The following CDH18 variants were observed in gnomAD, a reference collection of about 807,000 sequenced individuals.
CDH18 encodes cadherin-18.
CDH18 carries 31 observed loss-of-function variants against 67.9 expected under a neutral mutation model. That is an observed-to-expected ratio of 0.46 (90% CI 0.34 to 0.62). The LOEUF (loss-of-function observed/expected upper bound fraction) is 0.62, where lower values mean the gene tolerates loss of function less well. Ranked by LOEUF, CDH18 falls within the 20% of genes least tolerant of loss-of-function variation. The pLI is 0.01. For synonymous variants in CDH18, 362 were observed against 347.2 expected, an observed-to-expected ratio of 1.04 and a Z score of -0.48; for missense variants, 890 against 975.5, an observed-to-expected ratio of 0.91 and a Z score of 1.17.
At chr5:19,639,746 G>A (rs1205059890) in intron 5 of CDH18, among the ~76,000 whole-genome samples, 1 of 152,248 alleles carries the variant, frequency 6.6e-6, no homozygotes, top group Non-Finnish European at 1.5e-5. Flanking sequence ...GCGTGCTACA[G>A]CCGTGACTGC....
chr5:19,655,469 T>C (rs2150288645), intron 5 of CDH18, among the ~76,000 whole-genome samples: 1 of 151,942 alleles, frequency 6.6e-6, no homozygotes, highest in South Asian at 2.1e-4. Context: ...AGAGTTTCTA[T>C]CTAAACTATC....
chr5:20,138,281 C>T lies in CDH18; in HGVS notation c.-518+117163G>A, dbSNP rs536349749. ...ATTCAACAGCCCTTCATGCTAAAAA[C>T]TCTCAATAAACTAGGTATTGATGGG... On this transcript the variant is annotated intron_variant, in intron 2 of 14. Coordinates refer to the CDH18 transcript ENST00000507958. Among the ~76,000 whole-genome samples the T allele has an allele frequency of 3.9e-5, 6 of 152,240 alleles. No homozygotes were observed. The East Asian group carries it at 1.2e-3, about 30-fold the overall frequency.
At chr5:20,242,636 A>ATATATATATATATG (rs1743062148) in intron 2 of CDH18, among the ~76,000 whole-genome samples, 1 of 58,388 alleles carries the variant, frequency 1.7e-5, no homozygotes, top group Non-Finnish European at 2.9e-5. Context: ...ATATATATGT[A>ATATATATATATATG]TATATATATA....
chr5:19,741,173 GTA>G (rs1007148392), intron 4 of CDH18, among the ~76,000 whole-genome samples: 14 of 144,180 alleles, frequency 9.7e-5, no homozygotes, highest in African/African-American at 3.3e-4. Flanking sequence ...ATGTATATAT[GTA>G]TATATGTCAT....
At chr5:20,064,909 A>G (rs1333549938) in intron 2 of CDH18, among the ~76,000 whole-genome samples, 6 of 152,016 alleles carry the variant, frequency 3.9e-5, no homozygotes, top group Non-Finnish European at 8.8e-5. Flanking sequence ...TTATTCTTAT[A>G]TGTTTATATA....
At chr5:20,443,209 C>CAAAAAAAAAAAAA (rs72353299) in intron 1 of CDH18, among the ~76,000 whole-genome samples, 1 of 77,516 alleles carries the variant, frequency 1.3e-5, no homozygotes, top group Admixed American at 1.8e-4. Context: ...GACTCCGTCA[C>CAAAAAAAAAAAAA]AAAAAAAAAA....
chr5:20,279,195 A>G (rs1746033906), intron 1 of CDH18, among the ~76,000 whole-genome samples: 1 of 152,150 alleles, frequency 6.6e-6, no homozygotes. Flanking sequence ...CTGAAAATAA[A>G]GCAATTAAAA....
chr5:20,084,164 T>A (rs893955731), intron 2 of CDH18, among the ~76,000 whole-genome samples: 1 of 152,162 alleles, frequency 6.6e-6, no homozygotes, highest in East Asian at 1.9e-4. Context: ...CTAGATACAG[T>A]TGGGGTCCAG....
At chr5:20,508,325 A>ATG (rs1754780361) in intron 1 of CDH18, among the ~76,000 whole-genome samples, 1 of 12,144 alleles carries the variant, frequency 8.2e-5, no homozygotes, top group South Asian at 1.9e-3. Context: ...GACTATGATT[A>ATG]TATATATATA....
At chr5:20,233,231 T>A (rs1267184009) in intron 2 of CDH18, among the ~76,000 whole-genome samples, 9 of 151,024 alleles carry the variant, frequency 6.0e-5, no homozygotes, top group Admixed American at 2.6e-4. Flanking sequence ...TAATATACAT[T>A]TACTATATAT....
chr5:19,862,399 T>A (rs569452362), intron 2 of CDH18, among the ~76,000 whole-genome samples: 1 of 152,208 alleles, frequency 6.6e-6, no homozygotes, highest in Non-Finnish European at 1.5e-5. Context: ...GTTCATTCAA[T>A]CCCTCAAAAG....
At position 20,565,690 on chromosome 5, in the gene CDH18, A is replaced by G. The variant is rs989539793; in HGVS notation, c.-580+9772T>C. On this transcript the variant is annotated intron_variant, in intron 1 of 14. Transcript: ENST00000507958. ...GAAAGACAGTGGGGAGTAAGCCTGC[A>G]TATAATCAATGTGCTTCAACATTCC... 2.6e-5 allele frequency among the ~76,000 whole-genome samples: 4 copies of G among 151,962 alleles called. No individual in the cohort carries two copies. The East Asian group carries it at 7.8e-4, about 30-fold the overall frequency.
At chr5:19,563,929 A>G (rs1025120072) in intron 8 of CDH18, among the ~76,000 whole-genome samples, 3 of 152,158 alleles carry the variant, frequency 2.0e-5, no homozygotes, top group African/African-American at 7.2e-5. Context: ...GGGAGAACAC[A>G]ATGATTATGA....
intron 2 of CDH18, among the ~76,000 whole-genome samples, chr5:20,215,629 T>C (rs1244757392): frequency 6.6e-6 from 1 of 151,794 alleles, no homozygotes; most frequent in Non-Finnish European, 1.5e-5. Context: ...ATTATTTGTA[T>C]TCCTTTGGGA....
chr5:20,512,999 C>T (rs537229982), intron 1 of CDH18, among the ~76,000 whole-genome samples: 23 of 152,138 alleles, frequency 1.5e-4, no homozygotes, highest in South Asian at 6.2e-4. Context: ...CAAAATTCAC[C>T]GTAGCATGTG....
intron 1 of CDH18, chr5:20,304,014 TG>T (rs1736185208): frequency 8.2e-7 from 1 of 1,217,066 alleles, no homozygotes; most frequent in Admixed American, 1.7e-5. Flanking sequence ...AGCAGCAACT[TG>T]GCAATAATTC....
At chr5:20,001,059 T>A (rs905199036) in intron 2 of CDH18, among the ~76,000 whole-genome samples, 2 of 152,128 alleles carry the variant, frequency 1.3e-5, no homozygotes, top group Admixed American at 1.3e-4. Flanking sequence ...TAAAAATAGA[T>A]CAAATTAACT....
At chr5:20,240,644 G>T (rs1276560424) in intron 2 of CDH18, among the ~76,000 whole-genome samples, 2 of 152,092 alleles carry the variant, frequency 1.3e-5, no homozygotes, top group East Asian at 3.9e-4. Context: ...ATTCACAATA[G>T]TTCCTAATTA....
rs549443779 is a variant in CDH18, at chr5:20,357,221, G to A, written c.-579-101716C>T. 8.6e-5 allele frequency among the ~76,000 whole-genome samples: 13 copies of A among 152,046 alleles called. No individual in the cohort carries two copies. In the South Asian group the frequency reaches 1.9e-3, roughly 22 times the overall value. On this transcript the variant is annotated intron_variant, in intron 1 of 14. Transcript: ENST00000507958. ...AGATCTTTAATGTGATTCCAAAGGC[G>A]AAAAGAAACATGATTAAACTATTTA...
Sources: gnomAD v4.1 joint callset for allele counts (sites outside exome capture counted in the v4.1 genomes callset) on GRCh38, gnomAD v4.1.1 for gene constraint, MANE v1.5 for transcripts, NCBI Gene and HGNC (gene_info 2026-07-23, HGNC 2026-07-21) for gene names.